Variants in TCF4 observed in about 807,000 individuals in gnomAD.
TCF4 encodes transcription factor 4.
TCF4 carries 3 observed loss-of-function variants against 82.1 expected under a neutral mutation model. The ratio of observed to expected loss-of-function variants is 0.04; its 90% CI spans 0.02 to 0.09. The LOEUF (loss-of-function observed/expected upper bound fraction) is 0.09, where lower values mean the gene tolerates loss of function less well. TCF4 is among the 10% of genes least tolerant of loss of function. The probability of loss-of-function intolerance (pLI) is 1.00; values close to 1 mark genes in which losing one functional copy is unlikely to be tolerated. For synonymous variants in TCF4, 276 were observed against 309.6 expected (o/e 0.89, Z 1.14); for missense variants, 518 against 852.7 (o/e 0.61, Z 4.89).
chr18:55,539,319 T>G (rs1362898965), intron 3 of TCF4, among the ~76,000 whole-genome samples: 1 of 152,198 alleles, frequency 6.6e-6, no homozygotes, highest in African/African-American at 2.4e-5. Flanking sequence ...AAAACATGTC[T>G]GGCAAGGGCT....
chr18:55,365,765 G>A (rs1378446908), intron 6 of TCF4, among the ~76,000 whole-genome samples: 3 of 151,948 alleles, frequency 2.0e-5, no homozygotes, highest in South Asian at 2.1e-4. Context: ...AATGATGCAC[G>A]CCTGTTATTC....
intron 8 of TCF4, among the ~76,000 whole-genome samples, chr18:55,305,407 T>A (rs1274849503): frequency 6.6e-6 from 1 of 152,154 alleles, no homozygotes; most frequent in Non-Finnish European, 1.5e-5. Flanking sequence ...TTTAACTCTT[T>A]CTCTGTGAAA....
chr18:55,352,936 T>A (rs1408965645), intron 6 of TCF4, among the ~76,000 whole-genome samples: 1 of 152,184 alleles, frequency 6.6e-6, no homozygotes, highest in Non-Finnish European at 1.5e-5. Flanking sequence ...AATCTACGAA[T>A]GAGTCTTCAT....
intron 3 of TCF4, among the ~76,000 whole-genome samples, chr18:55,521,655 G>A (rs1287766558): frequency 1.3e-5 from 2 of 152,180 alleles, no homozygotes; most frequent in Non-Finnish European, 1.5e-5. Flanking sequence ...GCTCTAAAAA[G>A]TGCAGGTTAC....
intron 8 of TCF4, chr18:55,322,425 G>GAAAAA (rs967879627): frequency 2.9e-3 from 2,269 of 769,620 alleles, no homozygotes; most frequent in South Asian, 3.8e-3. Context: ...GGGGAGGGAA[G>GAAAAA]AAAAAAAAAA....
rs188012118 is a variant in TCF4 at position 55,350,779 on chromosome 18, G to A, written c.499+95C>T. The A allele has an allele frequency of 4.2e-3, 6,640 of 1,565,452 alleles. 18 individuals are homozygous for A. The highest frequency in any genetic ancestry group is 5.5e-3 in the Non-Finnish European group (6,270 of 1,144,172). ...CAAATTTTATGGTTTTCTTGGGGTG[G>A]GAGGTAGGATGGGGGGGCGATATTT... is the stretch of plus-strand genomic sequence containing the variant. On this transcript the variant is annotated intron_variant, in intron 7 of 19. Coordinates refer to ENST00000354452, the MANE Select transcript of TCF4 (RefSeq NM_001083962.2).
At chr18:55,296,573 G>C (rs1397059435) in intron 8 of TCF4, among the ~76,000 whole-genome samples, 2 of 152,038 alleles carry the variant, frequency 1.3e-5, no homozygotes, top group Non-Finnish European at 2.9e-5. Context: ...GTGGTTTTTG[G>C]CTTCAATTTA....
rs1161882329 is a variant in TCF4, at chr18:55,350,405, A to G, written c.503T>C (p.Val168Ala). Reference protein sequence around the residue: ...RRPLHSSAMEVQTKKVRKVPP... With the variant: ...RRPLHSSAMEAQTKKVRKVPP... Reference sequence around the variant, plus strand: ...AACTTTTCGAACTTTCTTTGTCTGTACCTCTGAAAGAAAATGAAGATGCTT... The same window carrying G: ...AACTTTTCGAACTTTCTTTGTCTGTGCCTCTGAAAGAAAATGAAGATGCTT... Residue 168 changes from valine to alanine, a missense_variant, in exon 8 of 20, where the codon GTA (valine) becomes GCA (alanine). Val to Ala is a moderately conservative substitution (Grantham distance 64). Transcript: ENST00000354452. The G allele has an allele frequency of 1.2e-6, 2 of 1,613,418 alleles. No individual in the cohort carries two copies. Among genetic ancestry groups the G allele is most frequent in the Non-Finnish European group, 1.7e-6 (2 of 1,179,662 alleles).
intron 6 of TCF4, among the ~76,000 whole-genome samples, chr18:55,388,150 A>C (rs1364909111): frequency 6.6e-6 from 1 of 152,248 alleles, no homozygotes; most frequent in South Asian, 2.1e-4. Context: ...CAAGGTTACA[A>C]AATTAAAATC....
intron 8 of TCF4, among the ~76,000 whole-genome samples, chr18:55,292,126 T>G (rs1332556745): frequency 6.6e-6 from 1 of 152,154 alleles, no homozygotes; most frequent in African/African-American, 2.4e-5. Flanking sequence ...CTCTAAATAT[T>G]TAAATTTTAG....
chr18:55,590,482 A>C (rs948517270), upstream of TCF4, among the ~76,000 whole-genome samples: 1 of 152,186 alleles, frequency 6.6e-6, no homozygotes, highest in Non-Finnish European at 1.5e-5. Context: ...GACTGACTCA[A>C]CCCATTTCTG....
At chr18:55,245,091 A>C (rs182040160) in intron 15 of TCF4, among the ~76,000 whole-genome samples, 24 of 152,346 alleles carry the variant, frequency 1.6e-4, no homozygotes, top group Non-Finnish European at 2.9e-5. Context: ...ACAACTGTGA[A>C]TGTCAACCAA....
At chr18:55,474,744 TA>T (rs768698241) in intron 3 of TCF4, among the ~76,000 whole-genome samples, 5 of 150,706 alleles carry the variant, frequency 3.3e-5, no homozygotes, top group African/African-American at 4.9e-5. Flanking sequence ...TTTACATTTT[TA>T]TTTTTTTTAA....
chr18:55,522,687 T>A (rs898221539), intron 3 of TCF4, among the ~76,000 whole-genome samples: 2 of 151,938 alleles, frequency 1.3e-5, no homozygotes, highest in Non-Finnish European at 2.9e-5. Context: ...GAGATAATAA[T>A]AAAAGAGGGA....
chr18:55,442,425 G>T (rs1448044206), intron 5 of TCF4, among the ~76,000 whole-genome samples: 1 of 152,136 alleles, frequency 6.6e-6, no homozygotes, highest in Non-Finnish European at 1.5e-5. Flanking sequence ...TTATTTTAAA[G>T]ACCCCAATTT....
intron 2 of TCF4, among the ~76,000 whole-genome samples, chr18:55,608,394 A>G (rs970936517): frequency 1.6e-5 from 2 of 128,602 alleles, no homozygotes; most frequent in East Asian, 2.1e-4. Context: ...TTTTTTTGCA[A>G]TATGGGGCTT....
chr18:55,406,763 G>A (rs2094112949), intron 5 of TCF4, among the ~76,000 whole-genome samples: 4 of 152,038 alleles, frequency 2.6e-5, no homozygotes, highest in African/African-American at 9.7e-5. Flanking sequence ...CAACCACAAC[G>A]GGGCTTTGAA....
intron 8 of TCF4, among the ~76,000 whole-genome samples, chr18:55,316,091 C>A (rs1246918321): frequency 6.6e-6 from 1 of 151,938 alleles, no homozygotes. Flanking sequence ...ACTATGTTGA[C>A]TGTGAAAGAT....
At chr18:55,299,433 TG>T (rs569296302) in intron 8 of TCF4, among the ~76,000 whole-genome samples, 55 of 147,198 alleles carry the variant, frequency 3.7e-4, no homozygotes, top group African/African-American at 1.3e-3. Flanking sequence ...CAAGCTTTCT[TG>T]GGGGAGCATG....
Sources: gnomAD v4.1 joint callset for allele counts (sites outside exome capture counted in the v4.1 genomes callset) on GRCh38, gnomAD v4.1.1 for gene constraint, MANE v1.5 for transcripts, NCBI Gene and HGNC (gene_info 2026-07-23, HGNC 2026-07-21) for gene names.